Variants in NRXN1 observed in about 807,000 individuals in gnomAD.
The protein encoded by NRXN1 is neurexin 1, also known as neurexin-1.
A neutral mutation model predicts 150.9 loss-of-function variants in NRXN1; 39 were observed. That is an observed-to-expected ratio of 0.26 (90% confidence interval 0.20 to 0.34). NRXN1 has a LOEUF of 0.34. Among genes scored for constraint, NRXN1 ranks in the 10% least tolerant of loss-of-function variants. The pLI is 1.00. For synonymous variants in NRXN1, 924 were observed against 757.0 expected (o/e 1.22, Z -3.62); for missense variants, 1,815 against 1,949.9 (o/e 0.93, Z 1.30).
chr2:50,930,596 C>T (rs370366064), intron 2 of NRXN1, among the ~76,000 whole-genome samples: 58 of 152,114 alleles, frequency 3.8e-4, no homozygotes, highest in African/African-American at 1.4e-3. Flanking sequence ...ATTTGTTTTG[C>T]TTTGATAATC....
At chr2:50,621,022 A>T (rs1376035516) in intron 7 of NRXN1, 7 of 525,810 alleles carry the variant, frequency 1.3e-5, no homozygotes, top group Non-Finnish European at 2.4e-5. Flanking sequence ...GTGAGTTGGA[A>T]AACAGAAGTT....
At chr2:50,724,777 G>A (rs935948336) in intron 5 of NRXN1, among the ~76,000 whole-genome samples, 1 of 152,084 alleles carries the variant, frequency 6.6e-6, no homozygotes, top group Non-Finnish European at 1.5e-5. Context: ...TGTGTGATGA[G>A]GTATTACTCA....
Position 51,028,539 on chromosome 2 carries a change from G to A in NRXN1, c.-266C>T, listed in dbSNP as rs1050931138. Reference sequence around the variant, plus strand: ...CCACAGAACTTCCAGACCAAAGGGAGGATGCACTTTGGAGACAACGTTCTG... The same window carrying A: ...CCACAGAACTTCCAGACCAAAGGGAAGATGCACTTTGGAGACAACGTTCTG... On this transcript the variant is annotated 5_prime_UTR_variant, in exon 2 of 23. Transcript: ENST00000401669. The A allele has an allele frequency of 1.8e-5, 7 of 384,794 alleles. No homozygotes were observed. Among genetic ancestry groups the A allele is most frequent in the Non-Finnish European group, 3.2e-5 (7 of 216,690 alleles). The allele number at this position is 384,794 out of a possible 1,614,324, so 23.8% of individuals were successfully genotyped here.
intron 17 of NRXN1, among the ~76,000 whole-genome samples, chr2:50,424,187 G>A (rs1447158874): frequency 7.5e-5 from 7 of 93,866 alleles, no homozygotes; most frequent in African/African-American, 2.9e-4. Flanking sequence ...AGGAGGAAGA[G>A]GGGGAGGAGG....
In NRXN1 at chr2:50,053,574, G is replaced by A; in HGVS notation, c.3825C>T (p.Ile1275=). The change falls in exon 21 of 23, where the codon ATC becomes ATT. Residue 1275 remains isoleucine, a synonymous_variant. Coordinates refer to ENST00000401669, the MANE Select transcript of NRXN1 (RefSeq NM_001330078.2). Reference sequence around the variant, plus strand: ...TTATTATGGTTGCTTGGCTATTGAAGATTGTGAGCTGACGCCCTGTAAAAA... The same window carrying A: ...TTATTATGGTTGCTTGGCTATTGAAAATTGTGAGCTGACGCCCTGTAAAAA... The part of the protein sequence containing the change: ...WLLDKGRQLT[I]FNSQATIIIG... The A allele has an allele frequency of 1.9e-6, 3 of 1,613,968 alleles. No homozygotes were observed. In the South Asian group the frequency reaches 3.3e-5, roughly 18 times the overall value.
intron 17 of NRXN1, among the ~76,000 whole-genome samples, chr2:50,392,799 A>G (rs2081812391): frequency 6.6e-6 from 1 of 152,068 alleles, no homozygotes. Flanking sequence ...ACTGCTAACT[A>G]GATGGTTTGG....
At chr2:50,668,219 T>C (rs1233272321) in intron 5 of NRXN1, among the ~76,000 whole-genome samples, 1 of 151,940 alleles carries the variant, frequency 6.6e-6, no homozygotes, top group Non-Finnish European at 1.5e-5. Context: ...TCATACACTA[T>C]ATGATATGTG....
chr2:50,404,563 C>A (rs1213029873), intron 17 of NRXN1, among the ~76,000 whole-genome samples: 1 of 152,038 alleles, frequency 6.6e-6, no homozygotes, highest in Non-Finnish European at 1.5e-5. Flanking sequence ...TCCATTAAGC[C>A]CCTCCAATCT....
At chr2:50,507,671 T>C (rs1331748252) in intron 12 of NRXN1, among the ~76,000 whole-genome samples, 1 of 150,638 alleles carries the variant, frequency 6.6e-6, no homozygotes, top group African/African-American at 2.4e-5. Context: ...GGGAAAATGC[T>C]TTTAACATAA....
intron 5 of NRXN1, among the ~76,000 whole-genome samples, chr2:50,630,343 GA>G (rs986543791): frequency 2.6e-5 from 4 of 151,214 alleles, no homozygotes; most frequent in Non-Finnish European, 4.4e-5. Flanking sequence ...TACTTTACGG[GA>G]AAAAAAATGT....
intron 2 of NRXN1, among the ~76,000 whole-genome samples, chr2:50,953,831 G>A (rs1691827210): frequency 6.6e-6 from 1 of 152,212 alleles, no homozygotes; most frequent in Non-Finnish European, 1.5e-5. Flanking sequence ...AAAGTGTTGA[G>A]ATTAAAGGCA....
At chr2:50,601,735 C>T (rs1319447088) in intron 8 of NRXN1, among the ~76,000 whole-genome samples, 2 of 152,144 alleles carry the variant, frequency 1.3e-5, no homozygotes, top group African/African-American at 4.8e-5. Flanking sequence ...AAAACCATTT[C>T]AGTTTATTCA....
chr2:50,579,749 T>C (rs1040362476), intron 8 of NRXN1, among the ~76,000 whole-genome samples: 6 of 152,198 alleles, frequency 3.9e-5, no homozygotes, highest in African/African-American at 1.4e-4. Flanking sequence ...AAGGTTGCAT[T>C]ATTGTCATCC....
chr2:50,940,141 T>TC (rs757599946), intron 2 of NRXN1, among the ~76,000 whole-genome samples: 6 of 152,234 alleles, frequency 3.9e-5, no homozygotes, highest in Non-Finnish European at 8.8e-5. Flanking sequence ...ATCCATGAAC[T>TC]TAGAGTGCAG....
chr2:50,744,300 G>A (rs1699764371), intron 5 of NRXN1, among the ~76,000 whole-genome samples: 1 of 151,742 alleles, frequency 6.6e-6, no homozygotes, highest in Admixed American at 6.6e-5. Flanking sequence ...TCCCCAATGT[G>A]GAACAAAAAA....
At chr2:50,439,787 A>G (rs931984182) in intron 17 of NRXN1, among the ~76,000 whole-genome samples, 2 of 150,980 alleles carry the variant, frequency 1.3e-5, no homozygotes, top group East Asian at 4.0e-4. Context: ...ACTGCACTCC[A>G]GCCTGGGCAA....
intron 2 of NRXN1, among the ~76,000 whole-genome samples, chr2:50,951,766 T>C (rs186155982): frequency 1.6e-3 from 237 of 151,988 alleles, no homozygotes; most frequent in African/African-American, 5.4e-3. Flanking sequence ...CATCTGCATA[T>C]TGAGATACAC....
chr2:50,551,851 G>A (rs1392901215), intron 9 of NRXN1, among the ~76,000 whole-genome samples: 1 of 151,104 alleles, frequency 6.6e-6, no homozygotes, highest in Non-Finnish European at 1.5e-5. Context: ...TGTCATCTCT[G>A]CTTCCTGGAT....
intron 15 of NRXN1, among the ~76,000 whole-genome samples, chr2:50,495,374 GTGTGTGGTGTGT>G (rs1267768900): frequency 5.1e-3 from 39 of 7,698 alleles, no homozygotes; most frequent in African/African-American, 0.018. Context: ...GTGTGTGTGT[GTGTGTGGTGTGT>G]GTGTGTGTGT....
Sources: gnomAD v4.1 joint callset for allele counts (sites outside exome capture counted in the v4.1 genomes callset) on GRCh38, gnomAD v4.1.1 for gene constraint, MANE v1.5 for transcripts, NCBI Gene and HGNC (gene_info 2026-07-23, HGNC 2026-07-21) for gene names.